Variants in ACTR3C observed in about 807,000 individuals in gnomAD.
ACTR3C encodes actin-related protein 3C.
A neutral mutation model predicts 26.3 loss-of-function variants in ACTR3C; 18 were observed. The observed-to-expected ratio is 0.68, with a 90% CI of 0.47 to 1.01. The LOEUF is 1.01. Among genes scored for constraint, ACTR3C ranks in the 50% least tolerant of loss-of-function variants. The pLI is 0.00. For missense variants in ACTR3C, 184 were observed against 250.7 expected (o/e 0.73, Z 1.80); for synonymous variants, 55 against 94.5 (o/e 0.58, Z 2.42).
chr7:150,012,468 C>G, the ACTR3C span, among the ~76,000 whole-genome samples: 1 of 151,804 alleles, frequency 6.6e-6, no homozygotes, highest in Non-Finnish European at 1.5e-5. Flanking sequence ...GCGCCCACCA[C>G]CATGCCCGGC....
the ACTR3C span, among the ~76,000 whole-genome samples, chr7:150,171,634 G>C: frequency 6.7e-6 from 1 of 150,170 alleles, no homozygotes; most frequent in Non-Finnish European, 1.5e-5. Flanking sequence ...AAAAGTTCAG[G>C]GTGGAAATTA....
At chr7:149,950,445 T>A in the ACTR3C span, among the ~76,000 whole-genome samples, 1 of 150,946 alleles carries the variant, frequency 6.6e-6, no homozygotes, top group South Asian at 2.1e-4. Context: ...AAAGCAATCT[T>A]TAAAACATTT....
chr7:150,037,107 G>A, the ACTR3C span, among the ~76,000 whole-genome samples: 4 of 91,656 alleles, frequency 4.4e-5, no homozygotes, highest in South Asian at 3.7e-4. Flanking sequence ...CTAAGAGCCA[G>A]GGGGGGAAGA....
At chr7:150,028,060 A>G in the ACTR3C span, among the ~76,000 whole-genome samples, 1 of 152,426 alleles carries the variant, frequency 6.6e-6, no homozygotes. Flanking sequence ...AACACTCTTC[A>G]TTGAATTAGT....
At chr7:150,229,667 T>G in the ACTR3C span, among the ~76,000 whole-genome samples, 3 of 150,156 alleles carry the variant, frequency 2.0e-5, no homozygotes, top group East Asian at 5.9e-4. Context: ...TTTTTTTTTT[T>G]TGTATTTTTA....
the ACTR3C span, chr7:150,001,896 T>G: frequency 6.6e-6 from 1 of 151,870 alleles, no homozygotes; most frequent in Non-Finnish European, 1.5e-5. Flanking sequence ...GAGTTCTCAT[T>G]TGGGAGAAAG....
At chr7:149,991,751 G>A in the ACTR3C span, among the ~76,000 whole-genome samples, 1 of 152,150 alleles carries the variant, frequency 6.6e-6, no homozygotes, top group Non-Finnish European at 1.5e-5. Context: ...TTGTTTTTTA[G>A]ACAGAGTCTC....
At chr7:149,993,686 C>T in the ACTR3C span, among the ~76,000 whole-genome samples, 1 of 152,024 alleles carries the variant, frequency 6.6e-6, no homozygotes, top group South Asian at 2.1e-4. Context: ...CACCCACAGA[C>T]CCCATTGGAG....
the ACTR3C span, among the ~76,000 whole-genome samples, chr7:150,199,738 A>AAAAC: frequency 7.1e-6 from 1 of 141,668 alleles, no homozygotes; most frequent in African/African-American, 2.6e-5. Flanking sequence ...AAAAAAAAAA[A>AAAAC]AAAAAAAAAC....
the ACTR3C span, among the ~76,000 whole-genome samples, chr7:150,050,766 T>C: frequency 2.0e-4 from 30 of 152,204 alleles, no homozygotes; most frequent in Non-Finnish European, 3.7e-4. Context: ...CGCTTGGCTA[T>C]ACTCTTGCAA....
intron 6 of ACTR3C, among the ~76,000 whole-genome samples, chr7:150,265,057 G>C (rs571554640): frequency 0.016 from 2,457 of 151,658 alleles, 12 homozygotes; most frequent in African/African-American, 0.024. Context: ...TCACCAAAAA[G>C]ATAGTGAGAG....
the ACTR3C span, among the ~76,000 whole-genome samples, chr7:149,955,239 A>G: frequency 6.6e-6 from 1 of 152,388 alleles, no homozygotes; most frequent in Non-Finnish European, 1.5e-5. Flanking sequence ...CTTCAAGTTT[A>G]AAAAGGTCCC....
At chr7:150,163,268 T>C in the ACTR3C span, among the ~76,000 whole-genome samples, 1,182 of 151,472 alleles carry the variant, frequency 7.8e-3, 16 homozygotes, top group African/African-American at 0.027. Flanking sequence ...TCCTGGGGAG[T>C]AAGGAGTACA....
the ACTR3C span, among the ~76,000 whole-genome samples, chr7:149,919,327 A>G: frequency 4.3e-4 from 64 of 149,390 alleles, no homozygotes; most frequent in East Asian, 0.012. Context: ...TGCAACTGCC[A>G]CCTCCCGGGT....
chr7:150,190,133 TG>T, the ACTR3C span, among the ~76,000 whole-genome samples: 1 of 152,238 alleles, frequency 6.6e-6, no homozygotes, highest in South Asian at 2.1e-4. Flanking sequence ...TCATTGTGGT[TG>T]GAAGTTTTGC....
chr7:150,265,459 C>G (rs1443555091), intron 6 of ACTR3C, among the ~76,000 whole-genome samples: 2 of 151,796 alleles, frequency 1.3e-5, no homozygotes, highest in Middle Eastern at 3.4e-3. Context: ...TTTGGGAGGC[C>G]GAGGCAGGCG....
At chr7:149,908,224 T>G in the ACTR3C span, among the ~76,000 whole-genome samples, 2 of 152,188 alleles carry the variant, frequency 1.3e-5, no homozygotes, top group Admixed American at 1.3e-4. Flanking sequence ...CACCTTGATC[T>G]TGGACTTCCA....
the ACTR3C span, among the ~76,000 whole-genome samples, chr7:150,198,363 G>T: frequency 6.8e-6 from 1 of 148,098 alleles, no homozygotes; most frequent in African/African-American, 2.6e-5. Flanking sequence ...AGTGAGGAGC[G>T]TCTGCGCCCG....
the ACTR3C span, among the ~76,000 whole-genome samples, chr7:150,138,803 C>A: frequency 6.6e-6 from 1 of 152,292 alleles, no homozygotes; most frequent in Non-Finnish European, 1.5e-5. Flanking sequence ...CGCTCCCCAT[C>A]GCTCGCATTA....
Sources: gnomAD v4.1 joint callset for allele counts (sites outside exome capture counted in the v4.1 genomes callset) on GRCh38, gnomAD v4.1.1 for gene constraint, MANE v1.5 for transcripts, NCBI Gene and HGNC (gene_info 2026-07-23, HGNC 2026-07-21) for gene names.